The following GULP1 variants were observed in gnomAD, a reference collection of about 807,000 sequenced individuals.
The protein encoded by GULP1 is PTB domain-containing engulfment adapter protein 1.
GULP1 carries 19 observed loss-of-function variants against 40.9 expected under a neutral mutation model. The observed-to-expected ratio is 0.46, with a 90% CI of 0.32 to 0.68. GULP1 has a LOEUF of 0.68. Ranked by LOEUF, GULP1 falls within the 30% of genes least tolerant of loss-of-function variation. GULP1 has a pLI of 0.03. For missense variants in GULP1, 312 were observed against 362.2 expected (o/e 0.86, Z 1.12); for synonymous variants, 119 against 117.6 (o/e 1.01, Z -0.08).
intron 9 of GULP1, among the ~76,000 whole-genome samples, chr2:188,570,558 G>A (rs1000274001): frequency 6.6e-6 from 1 of 152,118 alleles, no homozygotes; most frequent in African/African-American, 2.4e-5. Context: ...AAGGGTTCCC[G>A]CTGGGAGTGA....
chr2:188,402,219 T>A (rs188705732), intron 2 of GULP1, among the ~76,000 whole-genome samples: 1 of 152,296 alleles, frequency 6.6e-6, no homozygotes, highest in African/African-American at 2.4e-5. Context: ...GGCTAGTACC[T>A]ACAGTAAGGA....
At chr2:188,501,756 A>G (rs1397548204) in intron 4 of GULP1, among the ~76,000 whole-genome samples, 1 of 151,960 alleles carries the variant, frequency 6.6e-6, no homozygotes, top group Non-Finnish European at 1.5e-5. Flanking sequence ...GTCTTAGAAA[A>G]AGGATGCCCC....
intron 7 of GULP1, among the ~76,000 whole-genome samples, chr2:188,554,762 A>G (rs970860782): frequency 6.6e-6 from 1 of 151,980 alleles, no homozygotes; most frequent in Non-Finnish European, 1.5e-5. Context: ...CTATTATTGT[A>G]TTGCAGTCTA....
At chr2:188,457,289 C>T (rs557526696) in intron 2 of GULP1, among the ~76,000 whole-genome samples, 1 of 152,244 alleles carries the variant, frequency 6.6e-6, no homozygotes, top group Admixed American at 6.5e-5. Flanking sequence ...TTTCCCCACC[C>T]AAATATCAGC....
rs183431384 is a variant in GULP1, at chr2:188,346,411, G to A, written c.-171-37352G>A. Among the ~76,000 whole-genome samples, 5 of 152,234 alleles carry A rather than the reference G, an allele frequency of 3.3e-5. No individual in the cohort carries two copies. In the East Asian group the frequency reaches 9.7e-4, roughly 29 times the overall value. On this transcript the variant is annotated intron_variant, in intron 1 of 11. Transcript: ENST00000409830. ...AAGTGTAAACAAATTTTTAATGAAG[G>A]CTAATAACAGAGTCTTTAAGAAAAC...
chr2:188,296,517 T>C (rs1389783482), intron 1 of GULP1, among the ~76,000 whole-genome samples: 2 of 152,082 alleles, frequency 1.3e-5, no homozygotes, highest in African/African-American at 2.4e-5. Flanking sequence ...CTGTTTACAT[T>C]GAAATGGTAT....
At chr2:188,550,799 A>C (rs57067423) in intron 7 of GULP1, among the ~76,000 whole-genome samples, 1 of 151,376 alleles carries the variant, frequency 6.6e-6, no homozygotes, top group African/African-American at 2.4e-5. Context: ...TAAAAAATTA[A>C]TGTTTTTTTT....
intron 5 of GULP1, among the ~76,000 whole-genome samples, chr2:188,526,001 A>G (rs570436921): frequency 2.0e-5 from 3 of 152,336 alleles, no homozygotes; most frequent in African/African-American, 7.2e-5. Context: ...ATAGGCCCGA[A>G]GTAGTAAATT....
chr2:188,501,771 T>G (rs1365272616), intron 4 of GULP1, among the ~76,000 whole-genome samples: 3 of 151,972 alleles, frequency 2.0e-5, no homozygotes, highest in Non-Finnish European at 4.4e-5. Context: ...TGCCCCTGTG[T>G]CTCACCCCTT....
Position 188,522,833 on chromosome 2 carries a change from G to A in GULP1, c.162+6G>A, listed in dbSNP as rs1374690332. The A allele has an allele frequency of 1.3e-6, 2 of 1,573,136 alleles. No individual in the cohort carries two copies. The highest frequency in any genetic ancestry group is 1.7e-5 in the Admixed American group (1 of 59,928). On this transcript the variant is annotated splice_donor_region_variant and intron_variant, in intron 5 of 11. Transcript: ENST00000409830. ...ATGCTGTAAGGAAACTAAAGGTAGG[G>A]AAAGGCCTTCAAATAAATTACAAGT...
intron 1 of GULP1, among the ~76,000 whole-genome samples, chr2:188,312,525 G>A (rs572389077): frequency 1.2e-4 from 19 of 152,192 alleles, no homozygotes; most frequent in Admixed American, 9.2e-4. Context: ...TATGTACCAC[G>A]TTTTCTTTAT....
intron 6 of GULP1, among the ~76,000 whole-genome samples, chr2:188,534,623 C>A (rs1237630389): frequency 6.6e-6 from 1 of 151,810 alleles, no homozygotes; most frequent in Non-Finnish European, 1.5e-5. Flanking sequence ...GAACATGCAC[C>A]CCCTGAATCT....
chr2:188,480,441 C>G (rs1466077477), intron 3 of GULP1, among the ~76,000 whole-genome samples: 2 of 151,706 alleles, frequency 1.3e-5, no homozygotes, highest in Non-Finnish European at 2.9e-5. Flanking sequence ...CCATCTTAAA[C>G]CTAAACATAA....
rs76689884 is a variant in GULP1 at position 188,456,858 on chromosome 2, C to T, written c.-44-20801C>T. On this transcript the variant is annotated intron_variant, in intron 2 of 11. Transcript: ENST00000409830. ...ACCCTGCAGAGCCACAGGGTACAGA[C>T]GTGGAGCTGCCCAAGACTATGGGAA... 9.5e-3 allele frequency among the ~76,000 whole-genome samples: 1,446 copies of T among 152,178 alleles called. 28 individuals are homozygous for T. The highest frequency in any genetic ancestry group is 0.031 in the African/African-American group (1,281 of 41,516).
intron 7 of GULP1, among the ~76,000 whole-genome samples, chr2:188,563,912 A>AT (rs1298362844): frequency 3.9e-5 from 6 of 151,978 alleles, no homozygotes; most frequent in Non-Finnish European, 8.8e-5. Flanking sequence ...AGCAATATAT[A>AT]AAATAGATAG....
chr2:188,570,926 G>A (rs1014133183), intron 9 of GULP1, among the ~76,000 whole-genome samples: 1 of 152,220 alleles, frequency 6.6e-6, no homozygotes, highest in Admixed American at 6.5e-5. Context: ...GGGAGGCCAA[G>A]GCAGGCAGAT....
intron 1 of GULP1, among the ~76,000 whole-genome samples, chr2:188,366,333 T>G (rs1189779054): frequency 6.6e-6 from 1 of 152,166 alleles, no homozygotes; most frequent in Admixed American, 6.5e-5. Context: ...GGCAGAATTA[T>G]TTTCCCTAGA....
At chr2:188,385,202 A>C (rs967879049) in intron 2 of GULP1, among the ~76,000 whole-genome samples, 2 of 152,102 alleles carry the variant, frequency 1.3e-5, no homozygotes, top group Admixed American at 6.5e-5. Flanking sequence ...ATTTCCATAC[A>C]TCTTCTGAAA....
chr2:188,494,467 A>G lies in GULP1; in HGVS notation c.90+10975A>G, dbSNP rs7599707. Among the ~76,000 whole-genome samples, 268 of 152,070 alleles carry G rather than the reference A, an allele frequency of 1.8e-3. 2 individuals carry two copies. Among genetic ancestry groups the G allele is most frequent in the African/African-American group, 6.2e-3 (257 of 41,512 alleles). ...TTCAAAAGGATGCCTCCTTTGTCAA[A>G]ATGCTATAACAATTGGTAAATGCTG... On this transcript the variant is annotated intron_variant, in intron 4 of 11. Coordinates refer to ENST00000409830, the MANE Select transcript of GULP1 (RefSeq NM_016315.4).
Sources: gnomAD v4.1 joint callset for allele counts (sites outside exome capture counted in the v4.1 genomes callset) on GRCh38, gnomAD v4.1.1 for gene constraint, MANE v1.5 for transcripts, NCBI Gene and HGNC (gene_info 2026-07-23, HGNC 2026-07-21) for gene names.